ZNF385D: variants seen among roughly 807,000 people sequenced by gnomAD.
The protein encoded by ZNF385D is zinc finger protein 385D.
Under a neutral mutation model 35.8 loss-of-function variants are expected in ZNF385D, and 15 were observed. That is an observed-to-expected ratio of 0.42 (90% confidence interval 0.28 to 0.64). The LOEUF (loss-of-function observed/expected upper bound fraction) is 0.64. ZNF385D is among the 30% of genes least tolerant of loss of function. ZNF385D has a pLI of 0.23. For missense variants in ZNF385D, 474 were observed against 494.6 expected (o/e 0.96, Z 0.39); for synonymous variants, 212 against 186.8 (o/e 1.13, Z -1.10).
intron 2 of ZNF385D, among the ~76,000 whole-genome samples, chr3:21,601,885 A>T (rs1043684536): frequency 8.5e-5 from 13 of 152,136 alleles, no homozygotes; most frequent in African/African-American, 3.1e-4. Context: ...TTTCCCCAAC[A>T]TTGTCATCAT....
intron 3 of ZNF385D, among the ~76,000 whole-genome samples, chr3:21,943,580 A>T (rs1379090455): frequency 4.6e-5 from 7 of 152,038 alleles, no homozygotes; most frequent in Non-Finnish European, 8.8e-5. Flanking sequence ...AAATAGCAAC[A>T]TGTACTCAAC....
chr3:21,969,465 A>T (rs1451329711), intron 3 of ZNF385D, among the ~76,000 whole-genome samples: 8 of 152,180 alleles, frequency 5.3e-5, no homozygotes. Context: ...GTCTTCAGCC[A>T]TGCTGAGCTG....
At chr3:21,724,572 CAA>C (rs1171979527) in intron 1 of ZNF385D, among the ~76,000 whole-genome samples, 2 of 115,966 alleles carry the variant, frequency 1.7e-5, no homozygotes, top group Non-Finnish European at 3.6e-5. Context: ...CAACAAAGAT[CAA>C]AAGAGACAAA....
chr3:21,567,165 T>A (rs1022607613), intron 2 of ZNF385D, among the ~76,000 whole-genome samples: 1 of 152,220 alleles, frequency 6.6e-6, no homozygotes, highest in Non-Finnish European at 1.5e-5. Flanking sequence ...CATTCTTTGA[T>A]CTTTTCAAGT....
Position 21,981,119 on chromosome 3 carries a change from T to A in ZNF385D, c.325+187698A>T, listed in dbSNP as rs948356136. On this transcript the variant is annotated intron_variant, in intron 3 of 5. Coordinates refer to the ZNF385D transcript ENST00000494108. ...TGCTGGGTTGAATGATAGTTGTACT[T>A]TTAGCTCACTGAGGAATCACTATGC... Among the ~76,000 whole-genome samples, 73 of 152,168 alleles carry A rather than the reference T, an allele frequency of 4.8e-4. 1 individual carries two copies. Among genetic ancestry groups the A allele is most frequent in the Non-Finnish European group, 1.9e-4 (13 of 68,008 alleles).
At chr3:21,692,511 A>G (rs2067314982) in intron 1 of ZNF385D, among the ~76,000 whole-genome samples, 1 of 151,848 alleles carries the variant, frequency 6.6e-6, no homozygotes. Flanking sequence ...GGCCATTAAA[A>G]CTCACCAATG....
chr3:22,262,836 T>G (rs9870421), intron 2 of ZNF385D, among the ~76,000 whole-genome samples: 268 of 152,000 alleles, frequency 1.8e-3, no homozygotes, highest in African/African-American at 6.3e-3. Context: ...CCATGTGGTC[T>G]TCGTCCCCTC....
chr3:21,879,523 C>T (rs1334215801), intron 3 of ZNF385D, among the ~76,000 whole-genome samples: 1 of 151,974 alleles, frequency 6.6e-6, no homozygotes, highest in African/African-American at 2.4e-5. Context: ...CTGCTGTAAA[C>T]TTCCTTCTTC....
Position 21,495,172 on chromosome 3 carries a change from C to A in ZNF385D, c.439+15689G>T, listed in dbSNP as rs1410253317. 6.6e-5 allele frequency among the ~76,000 whole-genome samples: 10 copies of A among 151,598 alleles called. No individual in the cohort carries two copies. The East Asian group carries it at 1.9e-3, about 29-fold the overall frequency. On this transcript the variant is annotated intron_variant, in intron 4 of 7. Transcript: ENST00000281523. ...GATAGATAAAAGGAAAAATAAATAA[C>A]CTCGAGTTCCATCAGTCAGACTCAA... is the stretch of plus-strand genomic sequence containing the variant.
chr3:22,060,409 A>G (rs1277273138), intron 3 of ZNF385D, among the ~76,000 whole-genome samples: 1 of 152,206 alleles, frequency 6.6e-6, no homozygotes, highest in Non-Finnish European at 1.5e-5. Context: ...CCATCCACAC[A>G]TATTCTATTT....
At chr3:21,666,221 T>C (rs2066402645) in intron 1 of ZNF385D, among the ~76,000 whole-genome samples, 1 of 152,128 alleles carries the variant, frequency 6.6e-6, no homozygotes, top group South Asian at 2.1e-4. Flanking sequence ...AAATTAACAT[T>C]CTGAAAATGA....
rs187607659 is a variant in ZNF385D, at chr3:22,177,037, G to C, written c.107-8002C>G. ...GTACACAAATCTTTTCCTGTATTCT[G>C]ACCTACTGTTCCTATTTTAGGGATA... is the stretch of plus-strand genomic sequence containing the variant. On this transcript the variant is annotated intron_variant, in intron 2 of 5. Transcript: ENST00000494108. Among the ~76,000 whole-genome samples, 204 of 152,004 alleles carry C rather than the reference G, an allele frequency of 1.3e-3. 1 individual carries two copies. The highest frequency in any genetic ancestry group is 4.7e-3 in the African/African-American group (194 of 41,474).
chr3:22,109,386 T>C (rs1702391000), intron 3 of ZNF385D, among the ~76,000 whole-genome samples: 1 of 152,190 alleles, frequency 6.6e-6, no homozygotes, highest in South Asian at 2.1e-4. Context: ...CCCTAATGTA[T>C]CACAGCTTAT....
chr3:21,495,090 C>T (rs1326905818), intron 4 of ZNF385D, among the ~76,000 whole-genome samples: 2 of 151,916 alleles, frequency 1.3e-5, no homozygotes, highest in South Asian at 2.1e-4. Context: ...TTCATTGCTT[C>T]GATATCTCAT....
chr3:21,893,594 C>T (rs1461376179), intron 3 of ZNF385D, among the ~76,000 whole-genome samples: 1 of 152,042 alleles, frequency 6.6e-6, no homozygotes, highest in Non-Finnish European at 1.5e-5. Flanking sequence ...ATGTTTTCCC[C>T]CTGAACTCAT....
intron 2 of ZNF385D, among the ~76,000 whole-genome samples, chr3:22,345,606 A>G (rs1043334314): frequency 1.3e-5 from 2 of 152,226 alleles, no homozygotes; most frequent in Non-Finnish European, 2.9e-5. Flanking sequence ...TAGATGCTTA[A>G]TATAACTTAT....
intron 2 of ZNF385D, among the ~76,000 whole-genome samples, chr3:22,241,759 A>C (rs569505394): frequency 6.6e-6 from 1 of 150,950 alleles, no homozygotes; most frequent in Admixed American, 6.6e-5. Context: ...CCTAAAAAAA[A>C]CCTTTTTTTT....
At chr3:21,530,621 A>G (rs1239102018) in intron 3 of ZNF385D, among the ~76,000 whole-genome samples, 2 of 152,172 alleles carry the variant, frequency 1.3e-5, no homozygotes, top group African/African-American at 4.8e-5. Flanking sequence ...ATAACTTACA[A>G]GAGTTATGTT....
chr3:22,090,544 A>G (rs7645726), intron 3 of ZNF385D, among the ~76,000 whole-genome samples: 20,107 of 152,064 alleles, frequency 0.13, 1,424 homozygotes, highest in Non-Finnish European at 0.16. Context: ...TCACAGCCTA[A>G]GGGTCAGAGA....
Sources: gnomAD v4.1 joint callset for allele counts (sites outside exome capture counted in the v4.1 genomes callset) on GRCh38, gnomAD v4.1.1 for gene constraint, MANE v1.5 for transcripts, NCBI Gene and HGNC (gene_info 2026-07-23, HGNC 2026-07-21) for gene names.